Variants in MYO16 observed in about 807,000 individuals in gnomAD.
MYO16 encodes the protein myosin XVI.
MYO16 carries 94 observed loss-of-function variants against 205.3 expected under a neutral mutation model. That is an observed-to-expected ratio of 0.46 (90% CI 0.39 to 0.54). MYO16 has a LOEUF of 0.54. Ranked by LOEUF, MYO16 falls within the 20% of genes least tolerant of loss-of-function variation. MYO16 has a pLI of 0.00. For synonymous variants in MYO16, 988 were observed against 954.0 expected (o/e 1.04, Z -0.66); for missense variants, 2,315 against 2,387.5 (o/e 0.97, Z 0.63).
chr13:108,741,599 A>G (rs78990285), intron 4 of MYO16, among the ~76,000 whole-genome samples: 5,057 of 152,292 alleles, frequency 0.033, 261 homozygotes, highest in African/African-American at 0.11. Context: ...AAAATTTTTC[A>G]TCATTCTGTT....
intron 6 of MYO16, among the ~76,000 whole-genome samples, chr13:108,802,859 T>G (rs1017869706): frequency 6.6e-6 from 1 of 152,208 alleles, no homozygotes; most frequent in Non-Finnish European, 1.5e-5. Flanking sequence ...CATTAGCCAA[T>G]TGTATATCTT....
In MYO16 at chr13:109,055,323, A is replaced by C; in HGVS notation, c.3130-67A>C. The C allele has an allele frequency of 2.2e-6, 3 of 1,342,532 alleles. No individual in the cohort carries two copies. Among genetic ancestry groups the C allele is most frequent in the Non-Finnish European group, 3.1e-6 (3 of 970,484 alleles). The allele number at this position is 1,342,532 out of a possible 1,614,324, so 83.2% of individuals were successfully genotyped here. A position where few individuals can be genotyped will look rare whatever the true frequency, so the allele number is the denominator to read the frequency against. ...AAAGACGTAAAGACTTTTTATTTAA[A>C]AACTGCTTTATATTTTTAGCTAGTG... On this transcript the variant is annotated intron_variant, in intron 26 of 34. Coordinates refer to ENST00000457511, the MANE Select transcript of MYO16 (RefSeq NM_001198950.3). The surrounding 1 kb of genome is among the most constrained non-coding windows in gnomAD (Gnocchi z 5.0).
At chr13:108,727,738 C>G (rs1232815116) in intron 4 of MYO16, among the ~76,000 whole-genome samples, 155 bp downstream of exon 4, 1 of 152,188 alleles carries the variant, frequency 6.6e-6, no homozygotes, top group African/African-American at 2.4e-5. Flanking sequence ...TAATTAGAGA[C>G]TAAGGTTGTG....
chr13:108,967,985 T>G (rs72654061), intron 20 of MYO16, among the ~76,000 whole-genome samples: 21,905 of 152,212 alleles, frequency 0.14, 2,200 homozygotes, highest in African/African-American at 0.28. Flanking sequence ...AACTATAATT[T>G]TATGACTTCT....
chr13:109,151,881 A>G (rs1444411568), intron 32 of MYO16, among the ~76,000 whole-genome samples: 2 of 152,156 alleles, frequency 1.3e-5, no homozygotes, highest in African/African-American at 4.8e-5. Flanking sequence ...CTGAGGCCAC[A>G]TCCGTTTGGT....
chr13:108,586,109 A>G, the MYO16 span, among the ~76,000 whole-genome samples: 1 of 152,118 alleles, frequency 6.6e-6, no homozygotes, highest in Non-Finnish European at 1.5e-5. Context: ...TATGAGATGC[A>G]TATGTTGTAT....
chr13:109,187,757 T>G (rs1343205810), intron 34 of MYO16, among the ~76,000 whole-genome samples: 8 of 152,200 alleles, frequency 5.3e-5, no homozygotes, highest in Admixed American at 2.6e-4. Flanking sequence ...ACTAAAATGT[T>G]TTTATGGCCC....
the MYO16 span, among the ~76,000 whole-genome samples, chr13:108,578,768 A>G: frequency 6.6e-6 from 1 of 152,096 alleles, no homozygotes; most frequent in African/African-American, 2.4e-5. Context: ...TCACATCCCC[A>G]GGTCCTTTAC....
chr13:108,876,883 G>A (rs1203946732), intron 12 of MYO16, among the ~76,000 whole-genome samples: 1 of 152,012 alleles, frequency 6.6e-6, no homozygotes, highest in Non-Finnish European at 1.5e-5. Flanking sequence ...AGCCGGGATG[G>A]TCTCAATCTC....
At chr13:108,726,073 T>C (rs12428663) in intron 3 of MYO16, among the ~76,000 whole-genome samples, 37,339 of 152,016 alleles carry the variant, frequency 0.25, 5,648 homozygotes, top group African/African-American at 0.44. Context: ...GGTAAATTTG[T>C]GTGCCAGTGC....
At chr13:108,526,855 C>T in the MYO16 span, among the ~76,000 whole-genome samples, 22 of 152,248 alleles carry the variant, frequency 1.4e-4, no homozygotes, top group South Asian at 4.1e-4. Flanking sequence ...CTATTACTTA[C>T]TTTTTATGCA....
chr13:108,954,512 A>T (rs1177801622), intron 16 of MYO16, among the ~76,000 whole-genome samples: 2 of 152,166 alleles, frequency 1.3e-5, no homozygotes, highest in African/African-American at 4.8e-5. Flanking sequence ...AGGCCAAGGC[A>T]TGCAGACTGC....
At position 108,717,144 on chromosome 13, in the gene MYO16, G is replaced by T. The variant is rs185160923; in HGVS notation, c.363+4413G>T. On this transcript the variant is annotated intron_variant, in intron 3 of 34. Transcript: ENST00000457511. ...ACGTTTTGCTAAAATGTTGTCCAGG[G>T]TTTTGTTATTACCTTTATTCGATGA... 1.6e-4 allele frequency among the ~76,000 whole-genome samples: 24 copies of T among 152,220 alleles called. No individual in the cohort carries two copies. In the East Asian group the frequency reaches 4.2e-3, roughly 27 times the overall value.
rs113296282 is a variant in MYO16 at position 108,911,034 on chromosome 13, A to AAC, written c.1925+916_1925+917dup. Among the ~76,000 whole-genome samples the AAC allele has an allele frequency of 2.6e-3, 361 of 138,546 alleles. 1 individual carries two copies. The highest frequency in any genetic ancestry group is 0.02 in the East Asian group (95 of 4,738). The allele number at this position is 138,546 out of a possible 152,430, so 90.9% of individuals were successfully genotyped here. ...TGAGAAAAAGGATGCTATAGGAGAA[A>AAC]ACACACACACACACACACACACACA... is the stretch of plus-strand genomic sequence containing the variant. On this transcript the variant is annotated intron_variant, in intron 16 of 34. Transcript: ENST00000457511.
the MYO16 span, among the ~76,000 whole-genome samples, chr13:108,544,906 C>T: frequency 1.3e-5 from 2 of 152,162 alleles, no homozygotes; most frequent in African/African-American, 4.8e-5. Context: ...CCTCCAGTTC[C>T]ATCAATGCTG....
intron 21 of MYO16, among the ~76,000 whole-genome samples, chr13:108,993,549 C>T (rs1008369586): frequency 6.6e-6 from 1 of 152,060 alleles, no homozygotes; most frequent in African/African-American, 2.4e-5. Context: ...TTACCTAATC[C>T]AGGGTGAGTC....
intron 27 of MYO16, among the ~76,000 whole-genome samples, chr13:109,073,391 A>G (rs1001420589): frequency 1.3e-5 from 2 of 150,940 alleles, no homozygotes; most frequent in Non-Finnish European, 2.9e-5. Flanking sequence ...GATTACAGGC[A>G]TGAGCCACTG....
At chr13:109,176,137 G>A (rs1260949554) in intron 33 of MYO16, among the ~76,000 whole-genome samples, 1 of 152,066 alleles carries the variant, frequency 6.6e-6, no homozygotes, top group East Asian at 1.9e-4. Context: ...TGTCTGAAAT[G>A]TTTGTAATAA....
At chr13:109,023,686 CATAT>C (rs1427059673) in intron 23 of MYO16, among the ~76,000 whole-genome samples, 1 of 118,900 alleles carries the variant, frequency 8.4e-6, no homozygotes, top group African/African-American at 3.2e-5. Flanking sequence ...TGTATATATA[CATAT>C]ATATGTATAT....
Sources: gnomAD v4.1 joint callset for allele counts (sites outside exome capture counted in the v4.1 genomes callset) on GRCh38, gnomAD v4.1.1 for gene constraint, Gnocchi (gnomAD v3.1) non-coding constraint, MANE v1.5 for transcripts, NCBI Gene and HGNC (gene_info 2026-07-23, HGNC 2026-07-21) for gene names.